NUDT19: variants seen among roughly 807,000 people sequenced by gnomAD.
NUDT19 encodes nudix hydrolase 19, also known as acyl-coenzyme A diphosphatase NUDT19.
Under a neutral mutation model 22.2 loss-of-function variants are expected in NUDT19, and 31 were observed. The ratio of observed to expected loss-of-function variants is 1.40; its 90% confidence interval spans 1.05 to 1.89. NUDT19 has a LOEUF of 1.89. Ranked by LOEUF, NUDT19 falls within the 40% of genes most tolerant of loss-of-function variation. The pLI is 0.00. For synonymous variants in NUDT19, 325 were observed against 230.8 expected (o/e 1.41, Z -3.70); for missense variants, 752 against 514.2 (o/e 1.46, Z -4.47).
Position 32,711,928 on chromosome 19 carries a change from A to T in NUDT19, c.1099A>T (p.Asn367Tyr), listed in dbSNP as rs201848668. 3.0e-5 allele frequency: 48 copies of T among 1,613,874 alleles called. No homozygotes were observed. The African/African-American group carries it at 4.4e-4, about 15-fold the overall frequency. ...QPKYKHVYPK[N>Y]SVVRKSHL ...AAAGTATAAACACGTTTATCCTAAG[A>T]ACTCTGTAGTAAGAAAAAGCCATTT... The change falls in exon 3 of 3, where the codon AAC becomes TAC. Residue 367 changes from asparagine to tyrosine, a missense_variant. Asn to Tyr is a moderately radical substitution (Grantham distance 143). Transcript: ENST00000397061.
chr19:32,697,611 C>G (rs184058495), intron 1 of NUDT19, among the ~76,000 whole-genome samples: 1 of 152,158 alleles, frequency 6.6e-6, no homozygotes, highest in African/African-American at 2.4e-5. Flanking sequence ...TACTGACATA[C>G]GGCTTGCTGA....
rs760952698 is a variant in NUDT19 at position 32,692,239 on chromosome 19, G to C, written c.279G>C (p.Pro93=). The part of the protein sequence containing the change: ...HHGPPRFGLG[P]APFSRTAFPS... ...GGCCGCCGCGCTTCGGCCTGGGCCC[G>C]GCGCCATTCAGCCGCACCGCTTTCC... The change falls in exon 1 of 3, where the codon CCG becomes CCC. Residue 93 remains proline, a synonymous_variant. Coordinates refer to ENST00000397061, the MANE Select transcript of NUDT19 (RefSeq NM_001105570.2). 3.2e-5 allele frequency: 51 copies of C among 1,589,816 alleles called. No homozygotes were observed. In the African/African-American group the frequency reaches 5.1e-4, roughly 16 times the overall value.
At chr19:32,707,865 C>G (rs575631898) in intron 1 of NUDT19, among the ~76,000 whole-genome samples, 6 of 151,282 alleles carry the variant, frequency 4.0e-5, no homozygotes, top group Non-Finnish European at 8.8e-5. Flanking sequence ...GTAGTCCCAG[C>G]TACTCGGGAG....
chr19:32,699,645 AG>A (rs1194679932), intron 1 of NUDT19, among the ~76,000 whole-genome samples: 3 of 152,238 alleles, frequency 2.0e-5, no homozygotes, highest in Non-Finnish European at 4.4e-5. Flanking sequence ...AAGGAAAAAT[AG>A]GACAGAATAG....
chr19:32,711,878 A>G lies in NUDT19; in HGVS notation c.1049A>G (p.Tyr350Cys). 1 of 1,613,992 alleles carries G rather than the reference A, an allele frequency of 6.2e-7. No homozygotes were observed. The highest frequency in any genetic ancestry group is 8.5e-7 in the Non-Finnish European group (1 of 1,179,864). The change falls in exon 3 of 3, where the codon TAT (tyrosine) becomes TGT (cysteine). Residue 350 changes from tyrosine to cysteine, a missense_variant. Coordinates refer to ENST00000397061, the MANE Select transcript of NUDT19 (RefSeq NM_001105570.2). ...HRIVTYHRHLYDIHVTVQPKY... is the reference protein window; with the variant it reads ...HRIVTYHRHLCDIHVTVQPKY... ...ATAGTGACATACCATCGCCACCTTTATGATATCCACGTGACTGTTCAGCCA... is the reference window on the plus strand; with the variant it reads ...ATAGTGACATACCATCGCCACCTTTGTGATATCCACGTGACTGTTCAGCCA...
chr19:32,702,911 T>G (rs904957209), intron 1 of NUDT19, among the ~76,000 whole-genome samples: 2 of 152,238 alleles, frequency 1.3e-5, no homozygotes, highest in Non-Finnish European at 2.9e-5. Context: ...ATATACTTAT[T>G]TGTTCCCTCC....
intron 1 of NUDT19, among the ~76,000 whole-genome samples, chr19:32,706,360 C>T (rs575996818): frequency 2.6e-5 from 4 of 152,310 alleles, no homozygotes; most frequent in East Asian, 1.9e-4. Context: ...ACTTTTACTA[C>T]ACGAATTGTT....
chr19:32,696,666 G>A (rs927011389), intron 1 of NUDT19, among the ~76,000 whole-genome samples: 2 of 152,124 alleles, frequency 1.3e-5, no homozygotes, highest in Admixed American at 6.6e-5. Flanking sequence ...GGGACTTTCA[G>A]GCATAACAAG....
intron 1 of NUDT19, among the ~76,000 whole-genome samples, chr19:32,698,551 G>A (rs536118180): frequency 3.9e-5 from 6 of 152,110 alleles, no homozygotes; most frequent in South Asian, 4.2e-4. Context: ...AACAGTCCCC[G>A]GACCCTGCTG....
chr19:32,692,345 G>C lies in NUDT19; in HGVS notation c.385G>C (p.Val129Leu), dbSNP rs756676136. 1.0e-4 allele frequency: 161 copies of C among 1,590,764 alleles called. No individual in the cohort carries two copies. Among genetic ancestry groups the C allele is most frequent in the Middle Eastern group, 1.7e-4 (1 of 6,050 alleles). ...GGACGTAGCCTTCCGCATCTGCGCC[G>C]TGCGGGAGGCCTTTGAGGAGGCGGG... is the stretch of plus-strand genomic sequence containing the variant. ...PEDVAFRICA[V>L]REAFEEAGVL... Residue 129 changes from valine (V) to leucine (L), a missense_variant, in exon 1 of 3, where the codon GTG (valine) becomes CTG (leucine). Physicochemically the swap from Val to Leu is conservative, Grantham distance 32. Transcript: ENST00000397061.
In NUDT19 at chr19:32,692,048, G is replaced by A. The variant is rs983804576; in HGVS notation, c.88G>A (p.Ala30Thr). The A allele has an allele frequency of 3.1e-6, 4 of 1,285,200 alleles. No homozygotes were observed. Among genetic ancestry groups the A allele is most frequent in the Non-Finnish European group, 2.9e-6 (3 of 1,021,304 alleles). The allele number at this position is 1,285,200 out of a possible 1,614,324, so 79.6% of individuals were successfully genotyped here. ...GGCTGGCTGGTCGCGCCCGGAGACC[G>A]CCACCCCGCCGTCGCGCCCGCCGCC... ...LAAGWSRPET[A>T]TPPSRPPPAE... is the part of the protein sequence containing the mutation. The change falls in exon 1 of 3, where the codon GCC becomes ACC. Residue 30 changes from alanine (A) to threonine (T), a missense_variant. By Grantham distance (58) the Ala-to-Thr change is moderately conservative. Coordinates refer to ENST00000397061, the MANE Select transcript of NUDT19 (RefSeq NM_001105570.2).
chr19:32,708,375 C>T (rs1968410383), intron 1 of NUDT19, among the ~76,000 whole-genome samples: 1 of 148,866 alleles, frequency 6.7e-6, no homozygotes, highest in South Asian at 2.1e-4. Context: ...TGCAGTGAGC[C>T]GAGATCGGGC....
At position 32,692,205 on chromosome 19, in the gene NUDT19, C is replaced by G. The variant is rs570371199; in HGVS notation, c.245C>G (p.Pro82Arg). Reference sequence around the variant, plus strand: ...GCGGACTGGCTGGGCCTCTTCGCGCCGCACCACGGGCCGCCGCGCTTCGGC... The same window carrying G: ...GCGGACTGGCTGGGCCTCTTCGCGCGGCACCACGGGCCGCCGCGCTTCGGC... ...RSADWLGLFA[P>R]HHGPPRFGLG... is the part of the protein sequence containing the mutation. The change falls in exon 1 of 3, where the codon CCG becomes CGG. Residue 82 changes from proline (P) to arginine (R), a missense_variant. Pro to Arg is a moderately radical substitution (Grantham distance 103). Transcript: ENST00000397061. 17 of 1,578,642 alleles carry G rather than the reference C, an allele frequency of 1.1e-5. No individual in the cohort carries two copies. In the South Asian group the frequency reaches 1.3e-4, roughly 13 times the overall value.
rs373578634 is a variant in NUDT19 at position 32,698,365 on chromosome 19, A to C, written c.714+5691A>C. Among the ~76,000 whole-genome samples the C allele has an allele frequency of 7.2e-5, 11 of 152,290 alleles. No homozygotes were observed. In the South Asian group the frequency reaches 1.0e-3, roughly 14 times the overall value. ...TCCCAGTGGCTTAGGATGCATTTCA[A>C]GGGTGAGCCTGTTGATGCCTGAGTG... On this transcript the variant is annotated intron_variant, in intron 1 of 2. Coordinates refer to ENST00000397061, the MANE Select transcript of NUDT19 (RefSeq NM_001105570.2).
intron 1 of NUDT19, among the ~76,000 whole-genome samples, chr19:32,707,952 T>C (rs1343442619): frequency 6.7e-6 from 1 of 148,410 alleles, no homozygotes; most frequent in East Asian, 2.0e-4. Context: ...CAGTCCAGCC[T>C]GGGAGACAGA....
intron 1 of NUDT19, among the ~76,000 whole-genome samples, chr19:32,699,131 GTCTT>G (rs1454399560): frequency 6.6e-6 from 1 of 152,210 alleles, no homozygotes; most frequent in Non-Finnish European, 1.5e-5. Flanking sequence ...CAAAAACTGT[GTCTT>G]TCTGATTGGT....
Position 32,692,378 on chromosome 19 carries a change from C to T in NUDT19, c.418C>T (p.Leu140=). The change falls in exon 1 of 3, where the codon CTG becomes TTG. Residue 140 remains leucine (L), a synonymous_variant. Transcript: ENST00000397061. The stretch of plus-strand genomic sequence containing the variant: ...GGCCTTTGAGGAGGCGGGCGTGCTG[C>T]TGCTGCGGCCCAGGACTTCCCCACC... The part of the protein sequence containing the change: ...REAFEEAGVL[L]LRPRTSPPGP... 1.3e-6 allele frequency: 2 copies of T among 1,587,294 alleles called. No homozygotes were observed. The highest frequency in any genetic ancestry group is 1.7e-6 in the Non-Finnish European group (2 of 1,174,650).
intron 1 of NUDT19, among the ~76,000 whole-genome samples, chr19:32,693,859 C>T (rs1004525975): frequency 3.9e-5 from 6 of 152,170 alleles, no homozygotes; most frequent in East Asian, 1.9e-4. Context: ...CTCTCAATCC[C>T]GCCTCTAAAC....
chr19:32,707,010 TAGG>T (rs1968393700), intron 1 of NUDT19, among the ~76,000 whole-genome samples: 2 of 152,330 alleles, frequency 1.3e-5, no homozygotes, highest in East Asian at 3.9e-4. Flanking sequence ...CTGGCCATGG[TAGG>T]ACTCACCTCC....
Sources: gnomAD v4.1 joint callset for allele counts (sites outside exome capture counted in the v4.1 genomes callset) on GRCh38, gnomAD v4.1.1 for gene constraint, MANE v1.5 for transcripts, NCBI Gene and HGNC (gene_info 2026-07-23, HGNC 2026-07-21) for gene names.